The following PRLR variants were observed in gnomAD, a reference collection of about 807,000 sequenced individuals.
PRLR encodes the protein prolactin receptor.
PRLR carries 13 observed loss-of-function variants against 40.2 expected under a neutral mutation model. The observed-to-expected ratio is 0.32, with a 90% CI of 0.21 to 0.51. PRLR has a LOEUF of 0.51. Ranked by LOEUF, PRLR falls within the 20% of genes least tolerant of loss-of-function variation. The probability of loss-of-function intolerance (pLI) is 0.97; values close to 1 mark genes in which losing one functional copy is unlikely to be tolerated. For synonymous variants in PRLR, 269 were observed against 278.7 expected (o/e 0.97, Z 0.35); for missense variants, 656 against 747.3 (o/e 0.88, Z 1.42).
At chr5:35,097,064 T>G (rs1026285210) in intron 2 of PRLR, among the ~76,000 whole-genome samples, 1 of 152,206 alleles carries the variant, frequency 6.6e-6, no homozygotes, top group Non-Finnish European at 1.5e-5. Flanking sequence ...ACCACTGACT[T>G]ACATGCTATC....
chr5:35,164,255 C>A (rs1394798573), intron 1 of PRLR, among the ~76,000 whole-genome samples: 3 of 152,096 alleles, frequency 2.0e-5, no homozygotes, highest in Admixed American at 2.0e-4. Context: ...CTGGGGCTTA[C>A]AATCTAGTGG....
intron 8 of PRLR, 88 bp from the exon 9 acceptor site, chr5:35,068,373 T>A (rs1228820063): frequency 8.6e-7 from 1 of 1,158,356 alleles, no homozygotes; most frequent in African/African-American, 1.5e-5. Context: ...CTATAGGGAC[T>A]GTGATAGAGA....
intron 1 of PRLR, among the ~76,000 whole-genome samples, chr5:35,189,671 G>A (rs1439545646): frequency 6.6e-6 from 1 of 152,018 alleles, no homozygotes. Flanking sequence ...GATAAAATGT[G>A]TCCCAGGTGG....
At chr5:35,156,143 A>AAC (rs1774496697) in intron 1 of PRLR, among the ~76,000 whole-genome samples, 1 of 150,844 alleles carries the variant, frequency 6.6e-6, no homozygotes, top group African/African-American at 2.5e-5. Flanking sequence ...AAAAAAACAA[A>AAC]AAAAAAAACA....
chr5:35,091,530 T>C (rs907095689), intron 2 of PRLR, among the ~76,000 whole-genome samples: 1 of 152,220 alleles, frequency 6.6e-6, no homozygotes, highest in African/African-American at 2.4e-5. Context: ...GGAAAGATAC[T>C]TGGGAAACCT....
At chr5:35,208,175 G>GCACACACACA (rs1381286643) in intron 1 of PRLR, among the ~76,000 whole-genome samples, 17 of 145,422 alleles carry the variant, frequency 1.2e-4, no homozygotes, top group South Asian at 4.4e-4. Flanking sequence ...ACCCACGCGC[G>GCACACACACA]CGCACACACA....
chr5:35,096,322 C>A (rs554041808), intron 2 of PRLR, among the ~76,000 whole-genome samples: 115 of 152,272 alleles, frequency 7.6e-4, no homozygotes, highest in African/African-American at 2.6e-3. Flanking sequence ...ATCTTTTATC[C>A]CAAGGAGGCT....
rs1769198371 is a variant in PRLR at position 35,064,032 on chromosome 5, A to G, written c.*1057T>C. ...GGGTTGGTATGGCATTTTACTCCAC[A>G]AACGGGAACTTTATATACTACTATG... On this transcript the variant is annotated 3_prime_UTR_variant, in exon 10 of 10. Coordinates refer to ENST00000618457, the MANE Select transcript of PRLR (RefSeq NM_000949.7). 1 of 152,236 alleles carries G rather than the reference A, an allele frequency of 6.6e-6. No individual in the cohort carries two copies. Among genetic ancestry groups the G allele is most frequent in the Non-Finnish European group, 1.5e-5 (1 of 68,046 alleles). 9.4% of individuals were successfully genotyped at this position (152,236 alleles called of 1,614,324 possible).
intron 2 of PRLR, among the ~76,000 whole-genome samples, chr5:35,092,827 G>C (rs182893698): frequency 8.3e-4 from 126 of 152,286 alleles, no homozygotes; most frequent in African/African-American, 2.8e-3. Flanking sequence ...TGGATCTGAA[G>C]AGCAGGTTTA....
In PRLR at chr5:35,186,178, A is replaced by G. The variant is rs367809618; in HGVS notation, c.-106+44090T>C. On this transcript the variant is annotated intron_variant, in intron 1 of 9. Transcript: ENST00000618457. The stretch of plus-strand genomic sequence containing the variant: ...AGGGAATGGAAAATATCTCACTAAT[A>G]ACTATATTATCACACATTGAAAGGA... 1.3e-4 allele frequency among the ~76,000 whole-genome samples: 20 copies of G among 152,372 alleles called. 1 individual carries two copies. The South Asian group carries it at 3.9e-3, about 30-fold the overall frequency.
At chr5:35,176,391 GA>G (rs1213177820) in intron 1 of PRLR, among the ~76,000 whole-genome samples, 1 of 152,138 alleles carries the variant, frequency 6.6e-6, no homozygotes, top group Non-Finnish European at 1.5e-5. Flanking sequence ...GTTCTGTGGG[GA>G]AAAGCAAGAG....
chr5:35,180,427 C>G (rs1775262597), intron 1 of PRLR, among the ~76,000 whole-genome samples: 1 of 152,122 alleles, frequency 6.6e-6, no homozygotes, highest in African/African-American at 2.4e-5. Context: ...CTCTCTCACT[C>G]CTGCTTTGGC....
chr5:35,048,942 C>T (rs1048535745), exon 9 of PRLR: 6 of 365,310 alleles, frequency 1.6e-5, no homozygotes, highest in African/African-American at 1.1e-4. Flanking sequence ...CTTGGGTCAC[C>T]CTGTAAGGGA....
At chr5:35,121,647 T>C (rs1033914249) in intron 1 of PRLR, among the ~76,000 whole-genome samples, 1 of 152,234 alleles carries the variant, frequency 6.6e-6, no homozygotes, top group Non-Finnish European at 1.5e-5. Flanking sequence ...CCAGCTATCA[T>C]GCTAAGAACC....
chr5:35,174,365 C>T (rs1579764468), intron 1 of PRLR, among the ~76,000 whole-genome samples: 1 of 152,230 alleles, frequency 6.6e-6, no homozygotes, highest in African/African-American at 2.4e-5. Flanking sequence ...GCTAGGATTA[C>T]AGGCGTGAGC....
intron 2 of PRLR, among the ~76,000 whole-genome samples, chr5:35,104,284 C>T (rs748500290): frequency 1.3e-5 from 2 of 152,168 alleles, no homozygotes; most frequent in Admixed American, 1.3e-4. Flanking sequence ...AGGAACAGCT[C>T]CAGTCCACAG....
chr5:35,113,413 CCAT>C (rs1456357963), intron 2 of PRLR, among the ~76,000 whole-genome samples: 174 of 149,844 alleles, frequency 1.2e-3, no homozygotes, highest in African/African-American at 4.1e-3. Flanking sequence ...ATCCATCCAT[CCAT>C]CCATCCACCC....
At chr5:35,086,104 G>T in intron 4 of PRLR, 104 bp downstream of exon 4, 1 of 1,392,464 alleles carries the variant, frequency 7.2e-7, no homozygotes. Context: ...GAACCTTACT[G>T]GTGTAAATTC....
intron 1 of PRLR, among the ~76,000 whole-genome samples, chr5:35,200,162 T>G (rs1049779696): frequency 6.6e-6 from 1 of 152,190 alleles, no homozygotes; most frequent in African/African-American, 2.4e-5. Flanking sequence ...AAACCAGGGA[T>G]AAAAATACTT....
Sources: gnomAD v4.1 joint callset for allele counts (sites outside exome capture counted in the v4.1 genomes callset) on GRCh38, gnomAD v4.1.1 for gene constraint, MANE v1.5 for transcripts, NCBI Gene and HGNC (gene_info 2026-07-23, HGNC 2026-07-21) for gene names.